The following ERBB3 variants were observed in gnomAD, a reference collection of about 807,000 sequenced individuals.
The protein encoded by ERBB3 is erb-b2 receptor tyrosine kinase 3.
In ERBB3, 96 loss-of-function variants were observed where a neutral mutation model predicts 156.7. That is an observed-to-expected ratio of 0.61 (90% CI 0.52 to 0.73). The LOEUF is 0.73. Among genes scored for constraint, ERBB3 ranks in the 30% least tolerant of loss-of-function variants. ERBB3 has a pLI of 0.00. For missense variants in ERBB3, 1,406 were observed against 1,709.4 expected (o/e 0.82, Z 3.13); for synonymous variants, 567 against 632.0 (o/e 0.90, Z 1.54).
intron 23 of ERBB3, among the ~76,000 whole-genome samples, chr12:56,099,418 C>G (rs1869010697): frequency 6.6e-6 from 1 of 151,836 alleles, no homozygotes; most frequent in Non-Finnish European, 1.5e-5. Context: ...TCTCAGCCTC[C>G]CAGATAGCTG....
At chr12:56,098,955 C>CTTTTT in intron 23 of ERBB3, 50 bp downstream of exon 23, 3 of 1,270,868 alleles carry the variant, frequency 2.4e-6, no homozygotes, top group Non-Finnish European at 3.2e-6. Flanking sequence ...CTTTTTTTTT[C>CTTTTT]TTTTTTTTTT....
rs3741499 is a variant in ERBB3 at position 56,080,595 on chromosome 12, T to C, written c.82+213T>C. Reference sequence around the variant, plus strand: ...TTCCGGGACCCTCACGCCACCCTTCTCCAGAGCGTCGCCGACCCTCTAATT... The same window carrying C: ...TTCCGGGACCCTCACGCCACCCTTCCCCAGAGCGTCGCCGACCCTCTAATT... On this transcript the variant is annotated intron_variant, in intron 1 of 27. Transcript: ENST00000267101. 0.65 allele frequency among the ~76,000 whole-genome samples: 99,342 copies of C among 152,158 alleles called. 32,740 individuals are homozygous for C. Among genetic ancestry groups the C allele is most frequent in the East Asian group, 0.78 (4,054 of 5,170 alleles).
At position 56,101,922 on chromosome 12, in the gene ERBB3, G is replaced by C; in HGVS notation, c.3896G>C (p.Gly1299Ala). 6.2e-7 allele frequency: 1 copy of C among 1,613,284 alleles called. No homozygotes were observed. The highest frequency in any genetic ancestry group is 8.5e-7 in the Non-Finnish European group (1 of 1,179,738). The change falls in exon 28 of 28, where the codon GGA becomes GCA. Residue 1299 changes from glycine to alanine, a missense_variant. Gly to Ala is a moderately conservative substitution (Grantham distance 60, BLOSUM62 0). Around this residue, in one of 3 missense-constraint regions of ERBB3, gnomAD observed 415 missense variants for 454.1 expected, o/e 0.91. Coordinates refer to ENST00000267101, the MANE Select transcript of ERBB3 (RefSeq NM_001982.4). ...YEEMRAFQGP[G>A]HQAPHVHYAR... Reference sequence around the variant, plus strand: ...GAGATGAGAGCTTTTCAGGGGCCTGGACATCAGGCCCCCCATGTCCATTAT... The same window carrying C: ...GAGATGAGAGCTTTTCAGGGGCCTGCACATCAGGCCCCCCATGTCCATTAT...
intron 9 of ERBB3, among the ~76,000 whole-genome samples, chr12:56,089,984 C>T (rs1868617987): frequency 6.7e-6 from 1 of 149,762 alleles, no homozygotes; most frequent in African/African-American, 2.5e-5. Flanking sequence ...GTATAAAATT[C>T]CCCATATACT....
At chr12:56,091,287 T>TATAAATA (rs1868681209) in intron 9 of ERBB3, among the ~76,000 whole-genome samples, 11 of 61,402 alleles carry the variant, frequency 1.8e-4, no homozygotes, top group Admixed American at 4.2e-4. Context: ...TATATATATA[T>TATAAATA]ATATATATAA....
At position 56,087,659 on chromosome 12, in the gene ERBB3, C is replaced by T; in HGVS notation, c.613+17C>T. The T allele has an allele frequency of 1.2e-6, 2 of 1,613,122 alleles. No individual in the cohort carries two copies. The highest frequency in any genetic ancestry group is 1.7e-6 in the Non-Finnish European group (2 of 1,179,078). ...GCCAGACATGTGGGTTTGAAATTCC[C>T]TCCAAAAACTTCACTCATACGCTTT... On this transcript the variant is annotated intron_variant, in intron 5 of 27. Coordinates refer to ENST00000267101, the MANE Select transcript of ERBB3 (RefSeq NM_001982.4).
At chr12:56,090,024 T>A (rs1204711678) in intron 9 of ERBB3, among the ~76,000 whole-genome samples, 1 of 150,720 alleles carries the variant, frequency 6.6e-6, no homozygotes, top group Admixed American at 6.6e-5. Context: ...AAAGTCTCAC[T>A]CTGTTCCCCA....
At chr12:56,096,474 T>A in intron 17 of ERBB3, 29 bp from the exon 18 acceptor site, 1 of 1,613,170 alleles carries the variant, frequency 6.2e-7, no homozygotes. Context: ...TGGCCTTTCC[T>A]GAGTAACTCC....
intron 4 of ERBB3, 156 bp downstream of exon 4, chr12:56,086,812 GTCTC>G: frequency 1.2e-6 from 1 of 839,976 alleles, no homozygotes; most frequent in Non-Finnish European, 2.0e-6. Context: ...GACCATTCCA[GTCTC>G]CTGGAATCTA....
In ERBB3 at chr12:56,097,815, G is replaced by C. The variant is rs2136819860; in HGVS notation, c.2491G>C (p.Val831Leu). The C allele has an allele frequency of 1.9e-6, 3 of 1,614,046 alleles. No individual in the cohort carries two copies. In the South Asian group the frequency reaches 3.3e-5, roughly 18 times the overall value. ...GTACTACCTTGAGGAACATGGTATG[G>C]TGCATAGAAACCTGGCTGCCCGAAA... ...GMYYLEEHGMVHRNLAARNVL... is the reference protein window; with the variant it reads ...GMYYLEEHGMLHRNLAARNVL... Residue 831 changes from valine (V) to leucine (L), a missense_variant, in exon 21 of 28, where the codon GTG becomes CTG. Around this residue, in one of 3 missense-constraint regions of ERBB3, gnomAD observed 979 missense variants for 1,219.6 expected, o/e 0.80. Coordinates refer to ENST00000267101, the MANE Select transcript of ERBB3 (RefSeq NM_001982.4).
rs755456606 is a variant in ERBB3 at position 56,094,388 on chromosome 12, T to C, written c.1705-14T>C. The C allele has an allele frequency of 1.6e-5, 26 of 1,614,010 alleles. No individual in the cohort carries two copies. Among genetic ancestry groups the C allele is most frequent in the Non-Finnish European group, 2.0e-5 (24 of 1,180,034 alleles). ...TGGGATCTGATTCTTCCTGACCTTCTCTCTTCCACTCAGGGCTCTGATACT... is the reference window on the plus strand; with the variant it reads ...TGGGATCTGATTCTTCCTGACCTTCCCTCTTCCACTCAGGGCTCTGATACT... On this transcript the variant is annotated splice_polypyrimidine_tract_variant and intron_variant, in intron 14 of 27. Transcript: ENST00000267101.
chr12:56,098,253 A>C (rs1027061926), intron 21 of ERBB3: 1 of 549,676 alleles, frequency 1.8e-6, no homozygotes, highest in African/African-American at 1.9e-5. Context: ...ATATACAAAA[A>C]AAAAAAAAAT....
chr12:56,091,266 T>TTATATATATATATATATATATATA (rs199547778), intron 9 of ERBB3, among the ~76,000 whole-genome samples: 2 of 43,416 alleles, frequency 4.6e-5, no homozygotes, highest in African/African-American at 2.3e-4. Flanking sequence ...TTGGCTAATT[T>TTATATATATATATATATATATATA]TATATATATA....
At chr12:56,081,389 T>C (rs1868352438) in intron 1 of ERBB3, among the ~76,000 whole-genome samples, 1 of 152,122 alleles carries the variant, frequency 6.6e-6, no homozygotes, top group Admixed American at 6.5e-5. Flanking sequence ...GTGGATCTCC[T>C]CCCCTCCCCT....
At chr12:56,098,282 T>C in intron 21 of ERBB3, 1 of 577,258 alleles carries the variant, frequency 1.7e-6, no homozygotes, top group South Asian at 2.0e-5. Flanking sequence ...CGTGGCGGCA[T>C]GCATCTGTAC....
intron 1 of ERBB3, among the ~76,000 whole-genome samples, chr12:56,081,903 T>C (rs533024092): frequency 2.8e-3 from 431 of 152,206 alleles, no homozygotes; most frequent in Admixed American, 5.9e-3. Flanking sequence ...ATGCTCCCGG[T>C]TCCTGGGTAC....
chr12:56,102,818 A>AAAC lies in ERBB3; in HGVS notation c.*765_*766insCAA, dbSNP rs1555212755. The AAAC allele has an allele frequency of 5.6e-5, 12 of 213,060 alleles. No individual in the cohort carries two copies. The highest frequency in any genetic ancestry group is 1.0e-4 in the Non-Finnish European group (11 of 106,138). The allele number at this position is 213,060 out of a possible 1,614,324, so 13.2% of individuals were successfully genotyped here. Reference sequence around the variant, plus strand: ...ACCCCCATCTCTTTAAAAAAAAAAAAAAAAAAAAAAAAAAAACTTTAGAAC... The same window carrying AAAC: ...ACCCCCATCTCTTTAAAAAAAAAAAAAACAAAAAAAAAAAAAAAACTTTAGAAC... On this transcript the variant is annotated 3_prime_UTR_variant, in exon 28 of 28. Coordinates refer to ENST00000267101, the MANE Select transcript of ERBB3 (RefSeq NM_001982.4).
Position 56,088,660 on chromosome 12 carries a change from G to A in ERBB3, c.988+4G>A, listed in dbSNP as rs765582426. The A allele has an allele frequency of 6.2e-7, 1 of 1,613,894 alleles. No homozygotes were observed. The highest frequency in any genetic ancestry group is 1.1e-5 in the South Asian group (1 of 91,050). Reference sequence around the variant, plus strand: ...TGTGGGGGACTATGTCCCAAAGGTGGGTAGGAGATGGTAAGAAGTTGTAAA... The same window carrying A: ...TGTGGGGGACTATGTCCCAAAGGTGAGTAGGAGATGGTAAGAAGTTGTAAA... On this transcript the variant is annotated splice_donor_region_variant and intron_variant, in intron 8 of 27. Transcript: ENST00000267101.
At position 56,097,362 on chromosome 12, in the gene ERBB3, G is replaced by A. The variant is rs1592230742; in HGVS notation, c.2460+132G>A. ...GGCTGCAGACTGGTACCAGTCCATGGCCTGTTAGGAACCAGGCCACAGAGC... is the reference window on the plus strand; with the variant it reads ...GGCTGCAGACTGGTACCAGTCCATGACCTGTTAGGAACCAGGCCACAGAGC... On this transcript the variant is annotated intron_variant, in intron 20 of 27. Coordinates refer to ENST00000267101, the MANE Select transcript of ERBB3 (RefSeq NM_001982.4). 15 of 830,472 alleles carry A rather than the reference G, an allele frequency of 1.8e-5. No homozygotes were observed. The East Asian group carries it at 3.7e-4, about 20-fold the overall frequency. 51.4% of individuals were successfully genotyped at this position (830,472 alleles called of 1,614,324 possible). A position where few individuals can be genotyped will look rare whatever the true frequency, so the allele number is the denominator to read the frequency against.
Sources: gnomAD v4.1 joint callset for allele counts (sites outside exome capture counted in the v4.1 genomes callset) on GRCh38, gnomAD v4.1.1 for gene constraint, gnomAD v4.1.1 regional missense constraint, MANE v1.5 for transcripts, NCBI Gene and HGNC (gene_info 2026-07-23, HGNC 2026-07-21) for gene names.